Variants in APOM observed in about 807,000 individuals in gnomAD.
APOM encodes the protein NG20-like protein.
In APOM, 24 loss-of-function variants were observed where a neutral mutation model predicts 23.5. The ratio of observed to expected loss-of-function variants is 1.02; its 90% CI spans 0.74 to 1.44. The LOEUF is 1.44. APOM is among the 40% of genes most tolerant of loss of function. APOM has a pLI of 0.00. For missense variants in APOM, 200 were observed against 233.2 expected, an observed-to-expected ratio of 0.86 and a Z score of 0.93; for synonymous variants, 82 against 84.1, an observed-to-expected ratio of 0.97 and a Z score of 0.14.
In APOM at chr6:31,657,634, C is replaced by T; in HGVS notation, c.452C>T (p.Pro151Leu). The part of the protein sequence containing the change: ...YQRFLLYNRS[P>L]HPPEKCVEEF... Reference sequence around the variant, plus strand: ...CACCTTGCCCTTCCAGATCGCTCACCACATCCTCCCGAAAAGTGTGTGGAG... The same window carrying T: ...CACCTTGCCCTTCCAGATCGCTCACTACATCCTCCCGAAAAGTGTGTGGAG... The change falls in exon 5 of 6, where the codon CCA becomes CTA. Residue 151 changes from proline to leucine, a missense_variant. By Grantham distance (98) the Pro-to-Leu change is moderately conservative. Transcript: ENST00000375916. 1 of 1,612,994 alleles carries T rather than the reference C, an allele frequency of 6.2e-7. No individual in the cohort carries two copies. The highest frequency in any genetic ancestry group is 8.5e-7 in the Non-Finnish European group (1 of 1,179,988).
chr6:31,656,973 C>T (rs187611888), intron 2 of APOM, among the ~76,000 whole-genome samples: 11 of 152,100 alleles, frequency 7.2e-5, no homozygotes, highest in African/African-American at 2.4e-4. Flanking sequence ...AGTGAAACCC[C>T]GTCTCTACTA....
Position 31,656,315 on chromosome 6 carries a change from C to A in APOM, c.115-157C>A, listed in dbSNP as rs142677973. On this transcript the variant is annotated intron_variant, in intron 1 of 5. Coordinates refer to ENST00000375916, the MANE Select transcript of APOM (RefSeq NM_019101.3). ...CTGGGGAGGGGCAAAGAGGAAAAGTCATTTAATGACTCTTTGTCATGGATC... is the reference window on the plus strand; with the variant it reads ...CTGGGGAGGGGCAAAGAGGAAAAGTAATTTAATGACTCTTTGTCATGGATC... Among the ~76,000 whole-genome samples, 907 of 152,226 alleles carry A rather than the reference C, an allele frequency of 6.0e-3. 6 individuals are homozygous for A. Among genetic ancestry groups the A allele is most frequent in the Non-Finnish European group, 8.5e-3 (578 of 67,994 alleles).
chr6:31,656,676 G>C, intron 2 of APOM, 50 bp downstream of exon 2: 1 of 1,588,490 alleles, frequency 6.3e-7, no homozygotes, highest in South Asian at 1.1e-5. Flanking sequence ...TCTGCCCAAA[G>C]TGTGAGAATC....
rs142445244 is a variant in APOM, at chr6:31,656,528, G to A, written c.171G>A (p.Lys57=). Residue 57 remains lysine (K), a synonymous_variant, in exon 2 of 6, where the codon AAG becomes AAA. Transcript: ENST00000375916. The part of the protein sequence containing the change: ...WYFIAGAAPT[K]EELATFDPVD... The stretch of plus-strand genomic sequence containing the variant: ...TTATCGCAGGGGCAGCTCCCACCAA[G>A]GAGGAGTTGGCAACTTTTGACCCTG... 1 of 1,614,050 alleles carries A rather than the reference G, an allele frequency of 6.2e-7. No homozygotes were observed. The highest frequency in any genetic ancestry group is 1.3e-5 in the African/African-American group (1 of 74,914).
At chr6:31,655,856 T>C (rs963732971), upstream of APOM, 5 of 678,732 alleles carry the variant, frequency 7.4e-6, no homozygotes, top group East Asian at 2.8e-5. Context: ...CATTAGCAGG[T>C]GAAAGGGTCA....
intron 4 of APOM, 44 bp downstream of exon 4, chr6:31,657,522 GA>G (rs1562004820): frequency 6.2e-7 from 1 of 1,608,142 alleles, no homozygotes; most frequent in Non-Finnish European, 8.5e-7. Flanking sequence ...GGAAACAAGG[GA>G]GGGCAGGAGA....
chr6:31,657,763 CCA>C (rs1562005743), intron 5 of APOM, 40 bp downstream of exon 5: 1 of 1,545,574 alleles, frequency 6.5e-7, no homozygotes, highest in East Asian at 2.2e-5. Context: ...TTAGGACTCA[CCA>C]AGTCTTCTGG....
intron 4 of APOM, 26 bp downstream of exon 4, chr6:31,657,504 G>A (rs372408015): frequency 2.5e-6 from 4 of 1,611,394 alleles, no homozygotes; most frequent in Non-Finnish European, 3.4e-6. Context: ...AGGCAGGAAG[G>A]GTTGGAGGGA....
intron 1 of APOM, 51 bp from the exon 2 acceptor site, chr6:31,656,421 C>G: frequency 1.9e-6 from 3 of 1,587,620 alleles, no homozygotes; most frequent in Non-Finnish European, 2.6e-6. Flanking sequence ...GAGGTTGAAC[C>G]CATCCTGTGC....
At chr6:31,655,752 G>T, upstream of APOM, 1 of 534,948 alleles carries the variant, frequency 1.9e-6, no homozygotes, top group East Asian at 3.1e-5. Context: ...ACATGCCAGG[G>T]TGTACTATGG....
At chr6:31,657,156 A>T (rs945672108) in intron 2 of APOM, 69 bp from the exon 3 acceptor site, 1 of 1,483,498 alleles carries the variant, frequency 6.7e-7, no homozygotes, top group Admixed American at 2.0e-5. Flanking sequence ...AAAAAAAAAA[A>T]AAAGAAGCTG....
rs1562001239 is a variant in APOM at position 31,656,462 on chromosome 6, GT to G, written c.115-9del. ...CCCACCCTCTTTTGCTCCCTTCATT[GT>G]CTCTCCAGTTCCCAGAGGTCCACTT... On this transcript the variant is annotated splice_polypyrimidine_tract_variant and intron_variant, in intron 1 of 5. Coordinates refer to ENST00000375916, the MANE Select transcript of APOM (RefSeq NM_019101.3). The G allele has an allele frequency of 6.2e-7, 1 of 1,613,016 alleles. No individual in the cohort carries two copies. The highest frequency in any genetic ancestry group is 2.2e-5 in the East Asian group (1 of 44,866).
At chr6:31,656,225 C>T in intron 1 of APOM, 145 bp downstream of exon 1, 1 of 794,666 alleles carries the variant, frequency 1.3e-6, no homozygotes, top group Non-Finnish European at 2.0e-6. Flanking sequence ...AGAAAAATAT[C>T]AGTACTGTGG....
rs756613057 is a variant in APOM, at chr6:31,656,000, T to C, written c.34T>C (p.Phe12Leu). The C allele has an allele frequency of 6.2e-7, 1 of 1,601,264 alleles. No individual in the cohort carries two copies. The highest frequency in any genetic ancestry group is 8.5e-7 in the Non-Finnish European group (1 of 1,173,976). The part of the protein sequence containing the change: ...FHQIWAALLY[F>L]YGIILNSIYQ... ...CCAAATTTGGGCAGCTCTGCTCTAC[T>C]TCTATGGTATTATCCTTAACTCCAT... The change falls in exon 1 of 6, where the codon TTC becomes CTC. Residue 12 changes from phenylalanine to leucine, a missense_variant. By Grantham distance (22) the Phe-to-Leu change is conservative (BLOSUM62 0). Coordinates refer to ENST00000375916, the MANE Select transcript of APOM (RefSeq NM_019101.3).
upstream of APOM, among the ~76,000 whole-genome samples, chr6:31,653,713 G>T (rs561406037): frequency 6.6e-6 from 1 of 152,088 alleles, no homozygotes; most frequent in Non-Finnish European, 1.5e-5. Context: ...AGAGGGTCTC[G>T]CTTTGTCGCC....
chr6:31,653,925 A>T (rs895540114), upstream of APOM, among the ~76,000 whole-genome samples: 2 of 152,128 alleles, frequency 1.3e-5, no homozygotes, highest in Admixed American at 1.3e-4. Flanking sequence ...TGCTGGGATT[A>T]TAGGTGTGAG....
At chr6:31,654,099 G>A (rs973662461), upstream of APOM, among the ~76,000 whole-genome samples, 2 of 151,952 alleles carry the variant, frequency 1.3e-5, no homozygotes, top group Non-Finnish European at 2.9e-5. Flanking sequence ...ACAAAAATTA[G>A]CCTGGCGTGG....
intron 1 of APOM, among the ~76,000 whole-genome samples, 167 bp downstream of exon 1, chr6:31,656,247 G>C (rs1412442161): frequency 6.6e-6 from 1 of 152,068 alleles, no homozygotes; most frequent in African/African-American, 2.4e-5. Flanking sequence ...CATCAATGCA[G>C]AGGCATGGCA....
chr6:31,654,945 G>C (rs930146939), upstream of APOM, among the ~76,000 whole-genome samples: 2 of 152,170 alleles, frequency 1.3e-5, no homozygotes, highest in African/African-American at 2.4e-5. Context: ...TTAGGGGTTG[G>C]TGGTGTTTTG....
Sources: gnomAD v4.1 joint callset for allele counts (sites outside exome capture counted in the v4.1 genomes callset) on GRCh38, gnomAD v4.1.1 for gene constraint, MANE v1.5 for transcripts, NCBI Gene and HGNC (gene_info 2026-07-23, HGNC 2026-07-21) for gene names.